COL25A1: variants seen among roughly 807,000 people sequenced by gnomAD.
COL25A1 encodes collagen type XXV alpha 1 chain, also known as collagen alpha-1(XXV) chain.
Under a neutral mutation model 128.4 loss-of-function variants are expected in COL25A1, and 103 were observed. That is an observed-to-expected ratio of 0.80 (90% CI 0.68 to 0.94). The LOEUF is 0.94. COL25A1 is among the 40% of genes least tolerant of loss of function. The pLI, the probability that COL25A1 is intolerant of heterozygous loss-of-function variation, is 0.00. For synonymous variants in COL25A1, 279 were observed against 277.2 expected (o/e 1.01, Z -0.06); for missense variants, 745 against 840.0 (o/e 0.89, Z 1.40).
intron 3 of COL25A1, among the ~76,000 whole-genome samples, chr4:109,126,154 A>G (rs112900564): frequency 6.6e-5 from 10 of 152,144 alleles, no homozygotes; most frequent in South Asian, 2.1e-4. Flanking sequence ...TAAATCCCCA[A>G]TGTTTTTCTA....
At chr4:109,065,259 C>T (rs1318364617) in intron 3 of COL25A1, among the ~76,000 whole-genome samples, 2 of 152,286 alleles carry the variant, frequency 1.3e-5, no homozygotes, top group African/African-American at 2.4e-5. Context: ...TCTGGCTACA[C>T]ACTCCGTCTT....
chr4:108,974,661 A>C (rs1396394527), intron 6 of COL25A1, 102 bp from the exon 7 acceptor site: 1 of 931,610 alleles, frequency 1.1e-6, no homozygotes, highest in Non-Finnish European at 1.6e-6. Flanking sequence ...GAATACAGAG[A>C]TAGCTGTCAA....
intron 3 of COL25A1, among the ~76,000 whole-genome samples, chr4:109,288,078 G>A (rs1268534722): frequency 3.3e-5 from 5 of 152,130 alleles, no homozygotes; most frequent in Non-Finnish European, 4.4e-5. Flanking sequence ...AAATAGCAGC[G>A]TAAAATCCCA....
At chr4:108,982,140 G>A (rs1229293868) in intron 6 of COL25A1, among the ~76,000 whole-genome samples, 1 of 152,222 alleles carries the variant, frequency 6.6e-6, no homozygotes, top group Non-Finnish European at 1.5e-5. Context: ...CTTGCAGTGA[G>A]CTGAGATCGT....
intron 3 of COL25A1, among the ~76,000 whole-genome samples, chr4:109,102,620 A>T (rs1346406146): frequency 6.6e-6 from 1 of 151,870 alleles, no homozygotes; most frequent in Admixed American, 6.6e-5. Context: ...AAATTGTGGG[A>T]TTTTTCTATT....
chr4:108,859,699 G>A lies in COL25A1; in HGVS notation c.1277C>T (p.Thr426Ile). 6.2e-7 allele frequency: 1 copy of A among 1,613,920 alleles called. No homozygotes were observed. The highest frequency in any genetic ancestry group is 2.2e-5 in the East Asian group (1 of 44,858). Residue 426 changes from threonine (T) to isoleucine (I), a missense_variant, in exon 24 of 38, where the codon ACT (threonine) becomes ATT (isoleucine). Coordinates refer to ENST00000399132, the MANE Select transcript of COL25A1 (RefSeq NM_198721.4). ...PPGQKGDQGATEIIDYNGNLH... is the reference protein window; with the variant it reads ...PPGQKGDQGAIEIIDYNGNLH... ...GTTGCCGTTGTAGTCTATGATCTCA[G>A]TGGCTCCTTGATCCCCTTTTTGACC...
intron 18 of COL25A1, among the ~76,000 whole-genome samples, chr4:108,885,746 A>C (rs780439663): frequency 1.3e-5 from 2 of 152,214 alleles, no homozygotes; most frequent in Non-Finnish European, 2.9e-5. Context: ...TATACAATTA[A>C]TAAAAGTAAA....
intron 3 of COL25A1, among the ~76,000 whole-genome samples, chr4:109,299,391 T>C (rs190378671): frequency 3.5e-4 from 54 of 152,282 alleles, no homozygotes; most frequent in African/African-American, 1.3e-3. Context: ...ACCTAACATA[T>C]ATGTCTTCTC....
intron 3 of COL25A1, among the ~76,000 whole-genome samples, chr4:109,131,029 A>C (rs1438330425): frequency 6.6e-6 from 1 of 152,178 alleles, no homozygotes; most frequent in Non-Finnish European, 1.5e-5. Flanking sequence ...CGATAAATGA[A>C]ACAATATTTC....
chr4:109,276,541 T>C (rs1363088447), intron 3 of COL25A1, among the ~76,000 whole-genome samples: 2 of 152,096 alleles, frequency 1.3e-5, no homozygotes, highest in African/African-American at 4.8e-5. Context: ...TTTATTCAAC[T>C]TACTGAGCAG....
At chr4:109,072,804 G>A (rs932198645) in intron 3 of COL25A1, among the ~76,000 whole-genome samples, 1 of 152,132 alleles carries the variant, frequency 6.6e-6, no homozygotes, top group African/African-American at 2.4e-5. Flanking sequence ...CACTACAGCT[G>A]CCAAGCTATT....
At chr4:109,266,664 AAAG>A (rs1391336879) in intron 3 of COL25A1, among the ~76,000 whole-genome samples, 1 of 152,212 alleles carries the variant, frequency 6.6e-6, no homozygotes, top group Non-Finnish European at 1.5e-5. Context: ...AAAAAAAAAA[AAAG>A]TATTCATTGT....
At chr4:108,846,899 TTTGTAATTTTTTTTTTTTTTTTTTGA>T (rs111855282) in intron 27 of COL25A1, among the ~76,000 whole-genome samples, 38 of 139,456 alleles carry the variant, frequency 2.7e-4, no homozygotes, top group African/African-American at 9.8e-4. Flanking sequence ...AAATCTGAAT[TTTGTAATTTTTTTTTTTTTTTTTTGA>T]GTTGGAGTCT....
intron 3 of COL25A1, among the ~76,000 whole-genome samples, chr4:109,165,836 T>C (rs1187129781): frequency 6.6e-6 from 1 of 152,208 alleles, no homozygotes; most frequent in Non-Finnish European, 1.5e-5. Context: ...AAGTGTAATT[T>C]TAAAATTGCA....
intron 3 of COL25A1, among the ~76,000 whole-genome samples, chr4:109,061,233 T>C (rs1407569509): frequency 6.6e-6 from 1 of 152,202 alleles, no homozygotes; most frequent in Non-Finnish European, 1.5e-5. Context: ...CAATCCTTTC[T>C]CCTTTGCCAT....
chr4:108,843,254 T>C (rs1412719828), intron 30 of COL25A1, among the ~76,000 whole-genome samples: 1 of 151,756 alleles, frequency 6.6e-6, no homozygotes, highest in East Asian at 1.9e-4. Flanking sequence ...TAATTGTTTA[T>C]GTTATAAAAT....
At chr4:109,238,596 A>G (rs559631687) in intron 3 of COL25A1, among the ~76,000 whole-genome samples, 1 of 152,118 alleles carries the variant, frequency 6.6e-6, no homozygotes, top group South Asian at 2.1e-4. Context: ...TTTTCTGCCA[A>G]ATGAATGGTC....
intron 3 of COL25A1, among the ~76,000 whole-genome samples, chr4:109,101,462 T>C (rs533488341): frequency 1.3e-5 from 2 of 152,316 alleles, no homozygotes; most frequent in African/African-American, 4.8e-5. Context: ...AAAAGAATTG[T>C]TAAAAGATCA....
chr4:109,201,480 G>A (rs113533051), intron 3 of COL25A1, among the ~76,000 whole-genome samples: 207 of 152,172 alleles, frequency 1.4e-3, no homozygotes, highest in African/African-American at 4.9e-3. Context: ...AGAATAGAGG[G>A]TAACTTTCTC....
Sources: allele counts gnomAD v4.1 joint callset (sites outside exome capture counted in the v4.1 genomes callset), GRCh38; gene constraint gnomAD v4.1.1; transcripts MANE v1.5; gene names NCBI Gene and HGNC (gene_info 2026-07-23, HGNC 2026-07-21).